Variants in TBCE observed in about 807,000 individuals in gnomAD.
The protein encoded by TBCE is tubulin folding cofactor E.
In TBCE, 53 loss-of-function variants were observed where a neutral mutation model predicts 77.0. The ratio of observed to expected loss-of-function variants is 0.69; its 90% CI spans 0.55 to 0.87. The LOEUF is 0.87. Among genes scored for constraint, TBCE ranks in the 40% least tolerant of loss-of-function variants. The pLI is 0.00. For synonymous variants in TBCE, 235 were observed against 241.3 expected (o/e 0.97, Z 0.24); for missense variants, 624 against 622.4 (o/e 1.00, Z -0.03).
At chr1:235,378,217 T>C (rs772862846) in intron 1 of TBCE, among the ~76,000 whole-genome samples, 2 of 152,140 alleles carry the variant, frequency 1.3e-5, no homozygotes, top group Non-Finnish European at 2.9e-5. Context: ...CTTTTATTTG[T>C]GTTTTTTTGT....
intron 9 of TBCE, chr1:235,436,132 C>T (rs1681436273): frequency 3.3e-6 from 2 of 601,528 alleles, no homozygotes; most frequent in African/African-American, 1.9e-5. Flanking sequence ...GACCGTGTCT[C>T]TTTCCTCTGA....
intron 6 of TBCE, among the ~76,000 whole-genome samples, chr1:235,428,302 C>T (rs545990570): frequency 7.9e-5 from 12 of 152,054 alleles, no homozygotes; most frequent in East Asian, 5.8e-4. Context: ...CCAGCCTGGG[C>T]GACAGAGCGA....
At chr1:235,444,408 T>G (rs756139754) in intron 15 of TBCE, among the ~76,000 whole-genome samples, 1 of 152,166 alleles carries the variant, frequency 6.6e-6, no homozygotes, top group African/African-American at 2.4e-5. Flanking sequence ...ATTTTTGATA[T>G]ATTTTTTTCA....
At chr1:235,393,276 C>T (rs1391546525) in intron 2 of TBCE, among the ~76,000 whole-genome samples, 6 of 152,184 alleles carry the variant, frequency 3.9e-5, no homozygotes, top group African/African-American at 4.8e-5. Flanking sequence ...TGGTGGCTCA[C>T]GCCTGTAATC....
At chr1:235,377,372 G>A (rs1313897356) in intron 1 of TBCE, among the ~76,000 whole-genome samples, 1 of 152,066 alleles carries the variant, frequency 6.6e-6, no homozygotes, top group African/African-American at 2.4e-5. Context: ...GTAGAGACAG[G>A]GTTTTACCCT....
intron 3 of TBCE, among the ~76,000 whole-genome samples, chr1:235,409,662 A>G (rs1427172464): frequency 6.6e-6 from 1 of 151,366 alleles, no homozygotes; most frequent in African/African-American, 2.4e-5. Context: ...CTCAACAGTA[A>G]TAAAGATCTG....
intron 8 of TBCE, 67 bp from the exon 9 acceptor site, chr1:235,435,678 T>TCA: frequency 1.4e-6 from 2 of 1,471,404 alleles, no homozygotes; most frequent in East Asian, 4.5e-5. Context: ...GCAGGGATTT[T>TCA]AAGGCTGTAT....
At chr1:235,440,022 G>C (rs1558392209) in intron 13 of TBCE, among the ~76,000 whole-genome samples, 1 of 151,990 alleles carries the variant, frequency 6.6e-6, no homozygotes, top group African/African-American at 2.4e-5. Flanking sequence ...CCAGGCTGGA[G>C]TGCAGTGCCG....
At chr1:235,407,806 T>C (rs1679542134) in intron 3 of TBCE, among the ~76,000 whole-genome samples, 1 of 152,214 alleles carries the variant, frequency 6.6e-6, no homozygotes, top group Non-Finnish European at 1.5e-5. Flanking sequence ...AAGGGGTAGT[T>C]GAGGGGTTCA....
At chr1:235,419,870 G>C (rs1287680886) in intron 5 of TBCE, among the ~76,000 whole-genome samples, 1 of 151,638 alleles carries the variant, frequency 6.6e-6, no homozygotes, top group East Asian at 2.0e-4. Context: ...GGTGGATCAC[G>C]AGGTTAGGAG....
intron 3 of TBCE, among the ~76,000 whole-genome samples, chr1:235,411,274 G>C (rs1238678113): frequency 6.6e-6 from 1 of 151,940 alleles, no homozygotes; most frequent in Non-Finnish European, 1.5e-5. Flanking sequence ...GACAAGGAGT[G>C]AGGCCAGTTT....
At chr1:235,436,668 G>T in intron 11 of TBCE, 60 bp downstream of exon 11, 1 of 1,476,564 alleles carries the variant, frequency 6.8e-7, no homozygotes, top group Non-Finnish European at 9.5e-7. Context: ...TCATGGCAGA[G>T]TTTGGAGGTT....
chr1:235,384,891 C>G (rs1253839066), intron 2 of TBCE, among the ~76,000 whole-genome samples: 2 of 150,742 alleles, frequency 1.3e-5, no homozygotes, highest in South Asian at 4.2e-4. Flanking sequence ...TTTTCTAGTT[C>G]TTTTAATTGT....
rs1437328895 is a variant in TBCE, at chr1:235,414,437, C to T, written c.190C>T (p.Pro64Ser). The change falls in exon 4 of 17, where the codon CCG (proline) becomes TCG (serine). Residue 64 changes from proline to serine, a missense_variant. By Grantham distance (74) the Pro-to-Ser change is moderately conservative (BLOSUM62 -1). Coordinates refer to ENST00000642610, the MANE Select transcript of TBCE (RefSeq NM_003193.5). ...TCATTTGCTCTTCTTTACCAGGCACCCGACAGGAGGATCCTTTATTCGTCC... is the reference window on the plus strand; with the variant it reads ...TCATTTGCTCTTCTTTACCAGGCACTCGACAGGAGGATCCTTTATTCGTCC... Reference protein sequence around the residue: ...EGTVYFKCRHPTGGSFIRPNK... With the variant: ...EGTVYFKCRHSTGGSFIRPNK... 5 of 1,613,110 alleles carry T rather than the reference C, an allele frequency of 3.1e-6. No homozygotes were observed. The highest frequency in any genetic ancestry group is 4.2e-6 in the Non-Finnish European group (5 of 1,179,850).
intron 15 of TBCE, among the ~76,000 whole-genome samples, chr1:235,447,208 G>A (rs1682406142): frequency 6.6e-6 from 1 of 151,974 alleles, no homozygotes; most frequent in Non-Finnish European, 1.5e-5. Flanking sequence ...ATACAAAAAG[G>A]CCAGTTTTTA....
intron 7 of TBCE, among the ~76,000 whole-genome samples, chr1:235,431,719 G>C (rs143878479): frequency 0.029 from 3,408 of 118,064 alleles, 134 homozygotes; most frequent in African/African-American, 0.1. Context: ...GTTGCCCAAG[G>C]TGGAGTGCAG....
In TBCE at chr1:235,430,783, A is replaced by G; in HGVS notation, c.639A>G (p.Gln213=). 6.2e-7 allele frequency: 1 copy of G among 1,613,678 alleles called. No homozygotes were observed. The highest frequency in any genetic ancestry group is 8.5e-7 in the Non-Finnish European group (1 of 1,179,708). ...LSVLKVLVLN[Q]TGITWAEVLR... ...TACTGAAGGTTTTAGTCCTCAATCA[A>G]ACAGGAATAACGTGGGCTGAGGTAA... The change falls in exon 7 of 17, where the codon CAA becomes CAG. Residue 213 remains glutamine (Q), a synonymous_variant. Coordinates refer to ENST00000642610, the MANE Select transcript of TBCE (RefSeq NM_003193.5).
intron 2 of TBCE, among the ~76,000 whole-genome samples, chr1:235,397,957 T>A (rs1010150313): frequency 2.6e-5 from 4 of 152,162 alleles, no homozygotes; most frequent in African/African-American, 9.7e-5. Flanking sequence ...CCATAGATAT[T>A]CTTCGTCAGA....
At position 235,438,848 on chromosome 1, in the gene TBCE, A is replaced by G. The variant is rs762203329; in HGVS notation, c.1196A>G (p.His399Arg). 14 of 1,614,058 alleles carry G rather than the reference A, an allele frequency of 8.7e-6. No homozygotes were observed. Among genetic ancestry groups the G allele is most frequent in the Non-Finnish European group, 1.2e-5 (14 of 1,180,052 alleles). ...AATGAGTGGAAACAGGCTGGTGGAC[A>G]TAAGGATCCGGAAAAAAACAGACTC... ...FGNEWKQAGG[H>R]KDPEKNRLSE... The change falls in exon 13 of 17, where the codon CAT (histidine) becomes CGT (arginine). Residue 399 changes from histidine to arginine, a missense_variant. Coordinates refer to ENST00000642610, the MANE Select transcript of TBCE (RefSeq NM_003193.5).
Sources: allele counts gnomAD v4.1 joint callset (sites outside exome capture counted in the v4.1 genomes callset), GRCh38; gene constraint gnomAD v4.1.1; transcripts MANE v1.5; gene names NCBI Gene and HGNC (gene_info 2026-07-23, HGNC 2026-07-21).